Variants in EEF2K observed in about 807,000 individuals in gnomAD.
EEF2K encodes eukaryotic elongation factor 2 kinase, also known as alternative protein EEF2K.
Under a neutral mutation model 93.8 loss-of-function variants are expected in EEF2K, and 70 were observed. The observed-to-expected ratio is 0.75, with a 90% CI of 0.62 to 0.91. The LOEUF (loss-of-function observed/expected upper bound fraction) is 0.91, where lower values mean the gene tolerates loss of function less well. Among genes scored for constraint, EEF2K ranks in the 40% least tolerant of loss-of-function variants. The pLI, the probability that EEF2K is intolerant of heterozygous loss-of-function variation, is 0.00. For synonymous variants in EEF2K, 376 were observed against 380.8 expected (o/e 0.99, Z 0.15); for missense variants, 935 against 972.9 (o/e 0.96, Z 0.52).
intron 1 of EEF2K, among the ~76,000 whole-genome samples, chr16:22,223,613 C>T (rs1474539404): frequency 1.9e-4 from 29 of 152,142 alleles, no homozygotes; most frequent in Admixed American, 1.9e-3. Context: ...AAGATTCTTC[C>T]TTCCCTGTTG....
At position 22,284,027 on chromosome 16, in the gene EEF2K, C is replaced by A. The variant is rs745999997; in HGVS notation, c.*31C>A. On this transcript the variant is annotated 3_prime_UTR_variant, in exon 18 of 18. Transcript: ENST00000263026. ...AAAATCACTGCCGGCTAGTCCCAAGCAAACGGGCTAGGAGGAAAGATTAAA... is the reference window on the plus strand; with the variant it reads ...AAAATCACTGCCGGCTAGTCCCAAGAAAACGGGCTAGGAGGAAAGATTAAA... The A allele has an allele frequency of 2.0e-6, 3 of 1,534,166 alleles. No homozygotes were observed. In the South Asian group the frequency reaches 3.6e-5, roughly 18 times the overall value.
intron 1 of EEF2K, among the ~76,000 whole-genome samples, chr16:22,223,262 GTTTT>G (rs58446693): frequency 6.5e-5 from 7 of 107,458 alleles, no homozygotes; most frequent in African/African-American, 2.4e-4. Context: ...GTTTTTTTCT[GTTTT>G]TTTTTTTTTT....
chr16:22,279,148 G>A (rs2047668401), intron 16 of EEF2K, among the ~76,000 whole-genome samples: 2 of 151,894 alleles, frequency 1.3e-5, no homozygotes, highest in Non-Finnish European at 1.5e-5. Context: ...TCCTCAAGGG[G>A]GTGTCCTAGC....
rs562112133 is a variant in EEF2K, at chr16:22,211,644, G to A, written c.-77+4965G>A. 4.6e-5 allele frequency among the ~76,000 whole-genome samples: 7 copies of A among 152,106 alleles called. No individual in the cohort carries two copies. In the South Asian group the frequency reaches 1.2e-3, roughly 27 times the overall value. On this transcript the variant is annotated intron_variant, in intron 1 of 17. Transcript: ENST00000263026. Reference sequence around the variant, plus strand: ...CACCTGGCTAATTTTTGTATTTTTGGTAGAGATGGGGTTTCTCCATGTTGC... The same window carrying A: ...CACCTGGCTAATTTTTGTATTTTTGATAGAGATGGGGTTTCTCCATGTTGC...
Position 22,247,823 on chromosome 16 carries a change from G to A in EEF2K, c.348-932G>A, listed in dbSNP as rs1032100964. Among the ~76,000 whole-genome samples, 16 of 152,142 alleles carry A rather than the reference G, an allele frequency of 1.1e-4. No individual in the cohort carries two copies. The South Asian group carries it at 2.1e-3, about 20-fold the overall frequency. On this transcript the variant is annotated intron_variant, in intron 3 of 17. Transcript: ENST00000263026. ...GATCACTCCTTTCTACCCGTACACC[G>A]GCAGCCCTTCTCCTGTCTAGACTCA...
At chr16:22,235,499 AC>A (rs1009616865) in intron 2 of EEF2K, among the ~76,000 whole-genome samples, 4 of 152,056 alleles carry the variant, frequency 2.6e-5, no homozygotes, top group African/African-American at 9.6e-5. Context: ...GGCAGTTTCC[AC>A]GTTTGTTTGT....
chr16:22,222,099 G>C (rs1431396493), intron 1 of EEF2K, among the ~76,000 whole-genome samples: 5 of 152,080 alleles, frequency 3.3e-5, no homozygotes, highest in Admixed American at 3.3e-4. Flanking sequence ...AAAATAAAAA[G>C]TTTCCTCCAG....
chr16:22,275,635 T>C (rs1283759348), intron 16 of EEF2K, among the ~76,000 whole-genome samples: 1 of 150,842 alleles, frequency 6.6e-6, no homozygotes, highest in African/African-American at 2.4e-5. Context: ...GAGCCACCAC[T>C]CTCAGCCTTT....
At chr16:22,260,678 G>A in intron 11 of EEF2K, 149 bp downstream of exon 11, 3 of 944,562 alleles carry the variant, frequency 3.2e-6, no homozygotes, top group Non-Finnish European at 4.8e-6. Context: ...TAGGGAGGAT[G>A]CAGATGAATG....
rs2047728767 is a variant in EEF2K at position 22,284,133 on chromosome 16, T to A, written c.*137T>A. On this transcript the variant is annotated 3_prime_UTR_variant, in exon 18 of 18. Transcript: ENST00000263026. ...TGTAAAATCAAATTTTATATTTCAT[T>A]TTTTGACTCTTGAAAAATGTCTTTG... 2 of 794,572 alleles carry A rather than the reference T, an allele frequency of 2.5e-6. No individual in the cohort carries two copies. The highest frequency in any genetic ancestry group is 3.7e-5 in the South Asian group (2 of 54,730). The allele number at this position is 794,572 out of a possible 1,614,324, so 49.2% of individuals were successfully genotyped here. A position where few individuals can be genotyped will look rare whatever the true frequency, so the allele number is the denominator to read the frequency against.
intron 2 of EEF2K, among the ~76,000 whole-genome samples, chr16:22,243,347 G>A (rs1162935146): frequency 2.7e-5 from 4 of 150,592 alleles, no homozygotes; most frequent in African/African-American, 9.8e-5. Flanking sequence ...TGCCTCCTGG[G>A]TTCAAGCGAT....
intron 1 of EEF2K, among the ~76,000 whole-genome samples, chr16:22,218,185 C>T (rs2046976870): frequency 6.6e-6 from 1 of 152,268 alleles, no homozygotes; most frequent in South Asian, 2.1e-4. Context: ...TCTTGTGACA[C>T]ACTCCTGAAC....
chr16:22,210,158 A>G (rs1029622098), intron 1 of EEF2K, among the ~76,000 whole-genome samples: 1 of 152,192 alleles, frequency 6.6e-6, no homozygotes, highest in African/African-American at 2.4e-5. Flanking sequence ...GCAGAAAATA[A>G]CAGTGCTCCC....
intron 15 of EEF2K, 101 bp downstream of exon 15, chr16:22,266,977 C>T: frequency 7.1e-7 from 1 of 1,415,848 alleles, no homozygotes. Context: ...CACCTGCCTT[C>T]TATCCTGAGG....
intron 4 of EEF2K, 60 bp from the exon 5 acceptor site, chr16:22,250,594 C>CT (rs1321508300): frequency 1.6e-5 from 26 of 1,610,750 alleles, no homozygotes; most frequent in Non-Finnish European, 2.5e-6. Context: ...CACCTCCTGT[C>CT]TTAGGGTCCC....
intron 2 of EEF2K, among the ~76,000 whole-genome samples, chr16:22,228,899 T>C (rs2047089447): frequency 6.6e-6 from 1 of 152,344 alleles, no homozygotes; most frequent in Middle Eastern, 3.4e-3. Flanking sequence ...TTAAATTTCT[T>C]AGCCTATGTA....
chr16:22,216,314 G>T (rs1295472230), intron 1 of EEF2K, among the ~76,000 whole-genome samples: 1 of 152,158 alleles, frequency 6.6e-6, no homozygotes. Context: ...GTCACTTCTG[G>T]ACCTAGCAGC....
intron 1 of EEF2K, among the ~76,000 whole-genome samples, chr16:22,210,026 C>T (rs929449485): frequency 1.3e-5 from 2 of 152,170 alleles, no homozygotes; most frequent in African/African-American, 2.4e-5. Context: ...GAACTCTGGG[C>T]TCAAGCGATT....
rs546351736 is a variant in EEF2K at position 22,268,252 on chromosome 16, C to T, written c.1764+1376C>T. ...GGAGTGTAGTGGTGCGATCTCGGCT[C>T]AATGCAACCTCCACTTCCCAGGTTC... On this transcript the variant is annotated intron_variant, in intron 15 of 17. Transcript: ENST00000263026. 7.8e-4 allele frequency among the ~76,000 whole-genome samples: 118 copies of T among 152,104 alleles called. 2 individuals carry two copies. Among genetic ancestry groups the T allele is most frequent in the African/African-American group, 2.7e-3 (113 of 41,518 alleles).
Sources: allele counts gnomAD v4.1 joint callset (sites outside exome capture counted in the v4.1 genomes callset), GRCh38; gene constraint gnomAD v4.1.1; transcripts MANE v1.5; gene names NCBI Gene and HGNC (gene_info 2026-07-23, HGNC 2026-07-21).